The following SURF1 variants were observed in gnomAD, a reference collection of about 807,000 sequenced individuals.
SURF1 encodes the protein surfeit locus protein 1.
Under a neutral mutation model 34.1 loss-of-function variants are expected in SURF1, and 45 were observed. That is an observed-to-expected ratio of 1.32 (90% CI 1.04 to 1.69). SURF1 has a LOEUF of 1.69. SURF1 is among the 40% of genes most tolerant of loss of function. SURF1 has a pLI of 0.00. For synonymous variants in SURF1, 188 were observed against 147.5 expected (o/e 1.27, Z -1.99); for missense variants, 456 against 384.6 (o/e 1.19, Z -1.55).
rs1338666012 is a variant in SURF1 at position 133,356,359 on chromosome 9, T to TCCCCGCG, written c.54+34_54+40dup. ...CGGGCGGGCTGAGCTCCGGGACCCC[T>TCCCCGCG]CCCCGCGCCCCGCACCCCGCACCCC... On this transcript the variant is annotated intron_variant, in intron 1 of 8. Transcript: ENST00000371974. 3.2e-5 allele frequency: 29 copies of TCCCCGCG among 898,882 alleles called. No individual in the cohort carries two copies. In the Admixed American group the frequency reaches 4.6e-4, roughly 14 times the overall value. The allele number at this position is 898,882 out of a possible 1,614,324, so 55.7% of individuals were successfully genotyped here.
chr9:133,352,568 G>A lies in SURF1; in HGVS notation c.629C>T (p.Thr210Ile), dbSNP rs1836455088. Residue 210 changes from threonine (T) to isoleucine (I), a missense_variant, in exon 7 of 9, where the codon ACA becomes ATA. Thr to Ile is a moderately conservative substitution (Grantham distance 89). Coordinates refer to ENST00000371974, the MANE Select transcript of SURF1 (RefSeq NM_003172.4). Reference sequence around the variant, plus strand: ...AGGGACAAAAGGCTGCCTGGTTTCTGTCAGCCTCACCATCCCAATGAGGTC... The same window carrying A: ...AGGGACAAAAGGCTGCCTGGTTTCTATCAGCCTCACCATCCCAATGAGGTC... ...EVDLIGMVRL[T>I]ETRQPFVPEN... 2 of 1,614,090 alleles carry A rather than the reference G, an allele frequency of 1.2e-6. No homozygotes were observed. The highest frequency in any genetic ancestry group is 1.7e-6 in the Non-Finnish European group (2 of 1,180,048).
intron 2 of SURF1, 150 bp from the exon 3 acceptor site, chr9:133,355,107 C>T (rs2130020630): frequency 1.8e-5 from 19 of 1,042,232 alleles, no homozygotes; most frequent in South Asian, 6.4e-5. Flanking sequence ...GCTCCTAACC[C>T]GGTGCCCAGA....
At chr9:133,353,716 C>T (rs2130014008) in intron 5 of SURF1, 33 bp downstream of exon 5, 1 of 1,612,202 alleles carries the variant, frequency 6.2e-7, no homozygotes, top group African/African-American at 1.3e-5. Flanking sequence ...ACTGCCTCTG[C>T]CAGGACAGCC....
chr9:133,352,263 A>AC, intron 7 of SURF1, 121 bp from the exon 8 acceptor site: 3 of 1,367,130 alleles, frequency 2.2e-6, no homozygotes, highest in Non-Finnish European at 3.0e-6. Flanking sequence ...ACGTTGGGTG[A>AC]CCATCCCCGC....
Position 133,356,041 on chromosome 9 carries a change from C to CAAGG in SURF1, c.106+224_106+227dup. 4 of 606,300 alleles carry CAAGG rather than the reference C, an allele frequency of 6.6e-6. No individual in the cohort carries two copies. In the South Asian group the frequency reaches 7.6e-5, roughly 12 times the overall value. The allele number at this position is 606,300 out of a possible 1,614,324, so 37.6% of individuals were successfully genotyped here. On this transcript the variant is annotated intron_variant, in intron 2 of 8. Coordinates refer to ENST00000371974, the MANE Select transcript of SURF1 (RefSeq NM_003172.4). ...GCCTTCTCTGTAACAGGGGAACGACCAAGGAGCTACCTCTCGCGTTGTGAG... is the reference window on the plus strand; with the variant it reads ...GCCTTCTCTGTAACAGGGGAACGACCAAGGAAGGAGCTACCTCTCGCGTTGTGAG...
At chr9:133,352,372 G>C in intron 7 of SURF1, 74 bp downstream of exon 7, 1 of 1,608,088 alleles carries the variant, frequency 6.2e-7, no homozygotes, top group Non-Finnish European at 8.5e-7. Context: ...GTAGTGACTG[G>C]GCAATGAGGG....
Position 133,352,075 on chromosome 9 carries a change from C to CT in SURF1, c.818dup (p.Tyr274ValfsTer18), listed in dbSNP as rs2130004255. 1 of 1,611,548 alleles carries CT rather than the reference C, an allele frequency of 6.2e-7. No homozygotes were observed. The highest frequency in any genetic ancestry group is 1.1e-5 in the South Asian group (1 of 90,528). On this transcript the variant is annotated frameshift_variant, in exon 8 of 9. Transcript: ENST00000371974. LOFTEE classifies it high-confidence loss of function. ...TGGGGACTCACCAGGTCACGATGTA[C>CT]TGCAGATGCTCGTTCCTCAGAGTAA...
Position 133,354,756 on chromosome 9 carries a change from C to CAT in SURF1, c.241-17_241-16dup. 6.2e-7 allele frequency: 1 copy of CAT among 1,613,718 alleles called. No homozygotes were observed. The highest frequency in any genetic ancestry group is 8.5e-7 in the Non-Finnish European group (1 of 1,180,032). On this transcript the variant is annotated splice_polypyrimidine_tract_variant and intron_variant, in intron 3 of 8. Transcript: ENST00000371974. ...CGACGCTGGACCTACAGTGACAGAGCATAAGGCCAAGCAGATGGCAGCAAG... is the reference window on the plus strand; with the variant it reads ...CGACGCTGGACCTACAGTGACAGAGCATATAAGGCCAAGCAGATGGCAGCAAG...
intron 4 of SURF1, among the ~76,000 whole-genome samples, chr9:133,354,444 T>C (rs1177746958): frequency 6.6e-6 from 1 of 152,058 alleles, no homozygotes; most frequent in Non-Finnish European, 1.5e-5. Context: ...AAATAAGACT[T>C]TCCTCCATAT....
Position 133,352,588 on chromosome 9 carries a change from G to A in SURF1, c.609C>T (p.Leu203=), listed in dbSNP as rs1564348081. 3.7e-6 allele frequency: 6 copies of A among 1,614,176 alleles called. No homozygotes were observed. Among genetic ancestry groups the A allele is most frequent in the Non-Finnish European group, 5.1e-6 (6 of 1,180,032 alleles). The stretch of plus-strand genomic sequence containing the variant: ...TTTCTGTCAGCCTCACCATCCCAAT[G>A]AGGTCCACTTCTCCCTCAATCTATA... The part of the protein sequence containing the change: ...QKGQIEGEVD[L]IGMVRLTETR... Residue 203 remains leucine (L), a synonymous_variant, in exon 7 of 9, where the codon CTC becomes CTT. Transcript: ENST00000371974.
Position 133,351,835 on chromosome 9 carries a change from C to G in SURF1, c.*78G>C. The G allele has an allele frequency of 6.8e-7, 1 of 1,480,102 alleles. No individual in the cohort carries two copies. The highest frequency in any genetic ancestry group is 9.3e-7 in the Non-Finnish European group (1 of 1,074,508). 91.7% of individuals were successfully genotyped at this position (1,480,102 alleles called of 1,614,324 possible). A position where few individuals can be genotyped will look rare whatever the true frequency, so the allele number is the denominator to read the frequency against. Reference sequence around the variant, plus strand: ...TAAGGTAGAAGGCCAGAACTTTATACCAGTAGCACATGATCCAGCATAAAG... The same window carrying G: ...TAAGGTAGAAGGCCAGAACTTTATAGCAGTAGCACATGATCCAGCATAAAG... On this transcript the variant is annotated 3_prime_UTR_variant, in exon 9 of 9. Coordinates refer to ENST00000371974, the MANE Select transcript of SURF1 (RefSeq NM_003172.4).
Position 133,356,409 on chromosome 9 carries a change from CCCCGCCG to C in SURF1, c.38_44del (p.Ala13GlyfsTer57). 10 of 1,391,354 alleles carry C rather than the reference CCCCGCCG, an allele frequency of 7.2e-6. No individual in the cohort carries two copies. Among genetic ancestry groups the C allele is most frequent in the Non-Finnish European group, 8.4e-6 (9 of 1,075,760 alleles). The allele number at this position is 1,391,354 out of a possible 1,614,324, so 86.2% of individuals were successfully genotyped here. A position where few individuals can be genotyped will look rare whatever the true frequency, so the allele number is the denominator to read the frequency against. ...CGCACCCGGCGCTCACCCGTCCCAG[CCCCGCCG>C]CCCGCAGCCCCAGCTGCAACGCAGC... On this transcript the variant is annotated frameshift_variant, in exon 1 of 9. Transcript: ENST00000371974. LOFTEE classifies it high-confidence loss of function.
At position 133,351,974 on chromosome 9, in the gene SURF1, A is replaced by T. The variant is rs1272896177; in HGVS notation, c.842T>A (p.Leu281His). 1 of 1,613,900 alleles carries T rather than the reference A, an allele frequency of 6.2e-7. No individual in the cohort carries two copies. Among genetic ancestry groups the T allele is most frequent in the Admixed American group, 1.7e-5 (1 of 59,986 alleles). The change falls in exon 9 of 9, where the codon CTC (leucine) becomes CAC (histidine). Residue 281 changes from leucine to histidine, a missense_variant. By Grantham distance (99) the Leu-to-His change is moderately conservative. Transcript: ENST00000371974. ...CCACAGGTAGGATGTAGCTGCAGAG[A>T]GTCCATACCTAGGGGTTGAAAGCAA... ...HLQYIVTWYG[L>H]SAATSYLWFK...
chr9:133,351,919 A>G lies in SURF1; in HGVS notation c.897T>C (p.Gly299=), dbSNP rs2130002558. 27 of 1,613,664 alleles carry G rather than the reference A, an allele frequency of 1.7e-5. No individual in the cohort carries two copies. In the East Asian group the frequency reaches 5.1e-4, roughly 31 times the overall value. The change falls in exon 9 of 9, where the codon GGT becomes GGC. Residue 299 remains glycine (G), a synonymous_variant. Transcript: ENST00000371974. ...GGCTTCAGCAGCTGATCTGTCACAC[A>G]CCAGGTGTCCCACGTAGGAATTTCT... is the stretch of plus-strand genomic sequence containing the variant. ...WFKKFLRGTP[G]V is the part of the protein sequence containing the mutation.
chr9:133,352,037 G>T (rs782059602), intron 8 of SURF1, 24 bp downstream of exon 8: 1 of 1,612,424 alleles, frequency 6.2e-7, no homozygotes, highest in Non-Finnish European at 8.5e-7. Flanking sequence ...AGGGGAGGAA[G>T]CCAGAGGGCC....
At chr9:133,352,848 G>C in intron 5 of SURF1, 82 bp from the exon 6 acceptor site, 1 of 1,416,314 alleles carries the variant, frequency 7.1e-7, no homozygotes. Context: ...GCACCCATAG[G>C]AACAACTAGA....
chr9:133,354,998 C>T (rs2130020295), intron 2 of SURF1, 41 bp from the exon 3 acceptor site: 41 of 1,609,616 alleles, frequency 2.5e-5, no homozygotes, highest in Non-Finnish European at 3.3e-5. Context: ...CAGAAGCCCT[C>T]GAACACAGAC....
At chr9:133,354,984 GAGCC>G (rs1836535345) in intron 2 of SURF1, 27 bp from the exon 3 acceptor site, 3 of 1,611,628 alleles carry the variant, frequency 1.9e-6, no homozygotes, top group Non-Finnish European at 2.5e-6. Context: ...CACTGACATG[GAGCC>G]AGAAGCCCTC....
chr9:133,355,363 G>A lies in SURF1; in HGVS notation c.107-406C>T, dbSNP rs143056695. ...TGGGAGGCCAAGGCGGGCGGATCAC[G>A]AGATCAGGAGTTCGAGACCAGCCTG... On this transcript the variant is annotated intron_variant, in intron 2 of 8. Coordinates refer to ENST00000371974, the MANE Select transcript of SURF1 (RefSeq NM_003172.4). 8.6e-3 allele frequency among the ~76,000 whole-genome samples: 1,314 copies of A among 152,286 alleles called. 17 individuals carry two copies. The highest frequency in any genetic ancestry group is 0.028 in the African/African-American group (1,175 of 41,556).
Sources: gnomAD v4.1 joint callset for allele counts (sites outside exome capture counted in the v4.1 genomes callset) on GRCh38, gnomAD v4.1.1 for gene constraint, MANE v1.5 for transcripts, NCBI Gene and HGNC (gene_info 2026-07-23, HGNC 2026-07-21) for gene names.